Variants in PHACTR1 observed in about 807,000 individuals in gnomAD.
PHACTR1 encodes phosphatase and actin regulator 1, also known as RPEL repeat containing 1.
In PHACTR1, 16 loss-of-function variants were observed where a neutral mutation model predicts 69.2. The ratio of observed to expected loss-of-function variants is 0.23; its 90% CI spans 0.16 to 0.35. PHACTR1 has a LOEUF of 0.35. PHACTR1 is among the 10% of genes least tolerant of loss of function. The pLI, the probability that PHACTR1 is intolerant of heterozygous loss-of-function variation, is 1.00. For synonymous variants in PHACTR1, 312 were observed against 284.5 expected (o/e 1.10, Z -0.97); for missense variants, 510 against 734.7 (o/e 0.69, Z 3.54).
At chr6:12,783,628 GTAA>G (rs1287109819) in intron 4 of PHACTR1, among the ~76,000 whole-genome samples, 2 of 152,078 alleles carry the variant, frequency 1.3e-5, no homozygotes, top group Non-Finnish European at 2.9e-5. Context: ...AGCAGCTTCT[GTAA>G]CAGTTAACCT....
chr6:12,823,964 C>G (rs1776495355), intron 4 of PHACTR1, among the ~76,000 whole-genome samples: 1 of 152,078 alleles, frequency 6.6e-6, no homozygotes, highest in African/African-American at 2.4e-5. Flanking sequence ...TCAGAGGTCC[C>G]CAACCCCCGG....
intron 4 of PHACTR1, among the ~76,000 whole-genome samples, chr6:12,751,067 T>C (rs1766563492): frequency 6.6e-6 from 1 of 152,222 alleles, no homozygotes; most frequent in African/African-American, 2.4e-5. Flanking sequence ...TTATGCCCTG[T>C]TGAGAAGTTT....
chr6:12,992,629 C>T lies in PHACTR1; in HGVS notation c.251-60736C>T, dbSNP rs191167386. On this transcript the variant is annotated intron_variant, in intron 4 of 14. Coordinates refer to ENST00000332995, the MANE Select transcript of PHACTR1 (RefSeq NM_030948.6). The stretch of plus-strand genomic sequence containing the variant: ...TTCATTCATTTACCAAATATTGAAG[C>T]GGTGCTGTTTTTCATTGCCTTATGC... Among the ~76,000 whole-genome samples, 36 of 152,232 alleles carry T rather than the reference C, an allele frequency of 2.4e-4. No individual in the cohort carries two copies. In the East Asian group the frequency reaches 2.7e-3, roughly 11 times the overall value.
chr6:13,133,891 A>C (rs77293965), intron 5 of PHACTR1, among the ~76,000 whole-genome samples: 1 of 147,016 alleles, frequency 6.8e-6, no homozygotes, highest in Non-Finnish European at 1.5e-5. Context: ...GGAAGTGAGG[A>C]GTGTCTCTGC....
At chr6:13,199,074 G>A (rs1764829017) in intron 7 of PHACTR1, among the ~76,000 whole-genome samples, 1 of 152,126 alleles carries the variant, frequency 6.6e-6, no homozygotes, top group Admixed American at 6.6e-5. Context: ...TCCCTAATGA[G>A]GCTGATGGAA....
intron 6 of PHACTR1, among the ~76,000 whole-genome samples, chr6:13,180,811 C>T (rs1762080826): frequency 6.6e-6 from 1 of 152,080 alleles, no homozygotes; most frequent in South Asian, 2.1e-4. Context: ...GATGGGATAG[C>T]GACACACTGA....
At chr6:13,184,497 A>G (rs1489484643) in intron 7 of PHACTR1, among the ~76,000 whole-genome samples, 4 of 152,210 alleles carry the variant, frequency 2.6e-5, no homozygotes, top group Non-Finnish European at 5.9e-5. Flanking sequence ...TAGGGTTTGC[A>G]TGACCAAAGC....
At position 12,893,930 on chromosome 6, in the gene PHACTR1, G is replaced by C. The variant is rs147804641; in HGVS notation, c.250+144140G>C. On this transcript the variant is annotated intron_variant, in intron 4 of 14. Coordinates refer to ENST00000332995, the MANE Select transcript of PHACTR1 (RefSeq NM_030948.6). Reference sequence around the variant, plus strand: ...CAGCTGCACTCTCTGCTGAGCAGGGGCAAAGGAGACAAGACACCTTAGGCT... The same window carrying C: ...CAGCTGCACTCTCTGCTGAGCAGGGCCAAAGGAGACAAGACACCTTAGGCT... 1.3e-3 allele frequency among the ~76,000 whole-genome samples: 202 copies of C among 152,328 alleles called. 1 individual carries two copies. The highest frequency in any genetic ancestry group is 4.7e-3 in the African/African-American group (196 of 41,568).
At chr6:13,048,484 C>T (rs990083628) in intron 4 of PHACTR1, among the ~76,000 whole-genome samples, 4 of 150,924 alleles carry the variant, frequency 2.7e-5, no homozygotes, top group African/African-American at 7.4e-5. Flanking sequence ...AATGGGAGAC[C>T]ACTTTATCCT....
intron 8 of PHACTR1, among the ~76,000 whole-genome samples, chr6:13,222,880 C>T (rs904557698): frequency 6.6e-6 from 1 of 152,182 alleles, no homozygotes; most frequent in African/African-American, 2.4e-5. Context: ...GTCGAAAAAG[C>T]CTGGTCTAGA....
At chr6:13,094,644 A>G (rs1813859737) in intron 5 of PHACTR1, among the ~76,000 whole-genome samples, 3 of 152,188 alleles carry the variant, frequency 2.0e-5, no homozygotes, top group Non-Finnish European at 4.4e-5. Context: ...ACAGCTAAGG[A>G]GCCCAGGAAC....
At chr6:12,915,995 G>A (rs1188895726) in intron 4 of PHACTR1, among the ~76,000 whole-genome samples, 1 of 152,176 alleles carries the variant, frequency 6.6e-6, no homozygotes, top group African/African-American at 2.4e-5. Flanking sequence ...ATCAGCTAGT[G>A]CGAGATGTTA....
intron 3 of PHACTR1, among the ~76,000 whole-genome samples, chr6:12,720,644 A>G (rs1761998250): frequency 6.6e-6 from 1 of 152,222 alleles, no homozygotes; most frequent in African/African-American, 2.4e-5. Flanking sequence ...TGATGTTTCA[A>G]TCAAGGATTC....
intron 4 of PHACTR1, among the ~76,000 whole-genome samples, chr6:12,800,100 G>A (rs17617207): frequency 0.45 from 68,497 of 151,892 alleles, 16,359 homozygotes; most frequent in African/African-American, 0.58. Context: ...CTCAAACTCC[G>A]TATTTATTTC....
At chr6:12,991,798 T>C (rs750985108) in intron 4 of PHACTR1, among the ~76,000 whole-genome samples, 2 of 152,150 alleles carry the variant, frequency 1.3e-5, no homozygotes, top group Non-Finnish European at 2.9e-5. Flanking sequence ...TGCACAGTAC[T>C]TTCTAAACAC....
In PHACTR1 at chr6:12,781,312, T is replaced by A. The variant is rs551713715; in HGVS notation, c.250+31522T>A. 6.9e-4 allele frequency among the ~76,000 whole-genome samples: 105 copies of A among 152,208 alleles called. No homozygotes were observed. In the Middle Eastern group the frequency reaches 0.014, roughly 20 times the overall value. On this transcript the variant is annotated intron_variant, in intron 4 of 14. Coordinates refer to ENST00000332995, the MANE Select transcript of PHACTR1 (RefSeq NM_030948.6). ...CTTTACAGTACAGAATCCAGACAAC[T>A]TGTGCACCTGCTGTCAGTGATAAGG... is the stretch of plus-strand genomic sequence containing the variant.
chr6:12,810,081 T>C (rs1774850494), intron 4 of PHACTR1, among the ~76,000 whole-genome samples: 1 of 152,226 alleles, frequency 6.6e-6, no homozygotes, highest in African/African-American at 2.4e-5. Context: ...AACAAGTCTT[T>C]TAGGTCTTAT....
intron 7 of PHACTR1, among the ~76,000 whole-genome samples, chr6:13,200,833 C>T (rs1176985515): frequency 4.0e-5 from 6 of 150,858 alleles, no homozygotes; most frequent in Non-Finnish European, 7.4e-5. Context: ...CCCAGCTACT[C>T]GGAGGCTGAG....
intron 10 of PHACTR1, among the ~76,000 whole-genome samples, chr6:13,235,219 T>C (rs2127355354): frequency 6.6e-6 from 1 of 152,180 alleles, no homozygotes; most frequent in South Asian, 2.1e-4. Context: ...CCCCGCCCCA[T>C]GCAAAACCAT....
Sources: allele counts gnomAD v4.1 joint callset (sites outside exome capture counted in the v4.1 genomes callset), GRCh38; gene constraint gnomAD v4.1.1; transcripts MANE v1.5; gene names NCBI Gene and HGNC (gene_info 2026-07-23, HGNC 2026-07-21).